Variants in MPPED1 observed in about 807,000 individuals in gnomAD.
The protein encoded by MPPED1 is metallophosphoesterase domain-containing protein 1.
Under a neutral mutation model 36.2 loss-of-function variants are expected in MPPED1, and 16 were observed. The observed-to-expected ratio is 0.44, with a 90% CI of 0.30 to 0.67. The LOEUF (loss-of-function observed/expected upper bound fraction) is 0.67, where lower values mean the gene tolerates loss of function less well. Among genes scored for constraint, MPPED1 ranks in the 30% least tolerant of loss-of-function variants. The pLI is 0.10. For synonymous variants in MPPED1, 199 were observed against 191.3 expected (o/e 1.04, Z -0.33); for missense variants, 307 against 453.4 (o/e 0.68, Z 2.93).
chr22:43,489,453 G>A (rs1346237142), intron 4 of MPPED1, among the ~76,000 whole-genome samples: 2 of 151,878 alleles, frequency 1.3e-5, no homozygotes, highest in Admixed American at 6.5e-5. Flanking sequence ...GCTCCCCAGC[G>A]AGCAGTCTGT....
chr22:43,504,206 G>A (rs563334524), intron 6 of MPPED1, among the ~76,000 whole-genome samples: 15 of 152,040 alleles, frequency 9.9e-5, no homozygotes, highest in Admixed American at 3.3e-4. Flanking sequence ...AATGATAAAC[G>A]CAATGGTGGT....
At chr22:43,449,481 T>G (rs866503525) in intron 3 of MPPED1, among the ~76,000 whole-genome samples, 1 of 126,610 alleles carries the variant, frequency 7.9e-6, no homozygotes. Context: ...AGTCAAGGAA[T>G]GCACTCATCC....
rs144029631 is a variant in MPPED1, at chr22:43,498,316, C to T, written c.714C>T (p.Gly238=). Residue 238 remains glycine (G), a synonymous_variant, in exon 5 of 7, where the codon GGC becomes GGT. Transcript: ENST00000443721. ...LLEKWNLIPE[G]VDILITHGPP... is the part of the protein sequence containing the mutation. The stretch of plus-strand genomic sequence containing the variant: ...AGAAATGGAACCTCATTCCCGAAGG[C>T]GTAGACATCCTGATAACCCATGGAC... 36 of 1,535,352 alleles carry T rather than the reference C, an allele frequency of 2.3e-5. No homozygotes were observed. The highest frequency in any genetic ancestry group is 2.9e-5 in the Non-Finnish European group (33 of 1,146,524).
rs190831938 is a variant in MPPED1, at chr22:43,466,471, G to A, written c.407-8265G>A. Among the ~76,000 whole-genome samples the A allele has an allele frequency of 1.6e-3, 238 of 152,310 alleles. 1 individual carries two copies. Among genetic ancestry groups the A allele is most frequent in the African/African-American group, 2.3e-3 (94 of 41,550 alleles). On this transcript the variant is annotated intron_variant, in intron 3 of 6. Transcript: ENST00000443721. The stretch of plus-strand genomic sequence containing the variant: ...TCTGGGCTGTGCTATACATTGCAGC[G>A]TTAATCTTCCTGAATAGCCCCGAAA...
At chr22:43,426,413 G>A (rs1929473630) in intron 2 of MPPED1, among the ~76,000 whole-genome samples, 2 of 152,122 alleles carry the variant, frequency 1.3e-5, no homozygotes, top group African/African-American at 4.8e-5. Context: ...GACAGGGGCT[G>A]ATCCAGTGCT....
chr22:43,443,222 G>T (rs1930214727), intron 3 of MPPED1, among the ~76,000 whole-genome samples: 1 of 152,218 alleles, frequency 6.6e-6, no homozygotes, highest in African/African-American at 2.4e-5. Context: ...CACAGTGGAG[G>T]CCTGTGGGCC....
intron 5 of MPPED1, among the ~76,000 whole-genome samples, chr22:43,501,512 T>C (rs914314410): frequency 3.3e-5 from 5 of 152,096 alleles, no homozygotes; most frequent in Non-Finnish European, 5.9e-5. Context: ...GGGCTGCCCA[T>C]GTGCCAGGCA....
intron 1 of MPPED1, among the ~76,000 whole-genome samples, chr22:43,412,963 C>T (rs991707497): frequency 8.5e-5 from 13 of 152,204 alleles, no homozygotes; most frequent in African/African-American, 3.1e-4. Context: ...CCGGCCTGGC[C>T]TTCGGAACTC....
chr22:43,437,585 A>G (rs2146837168), intron 3 of MPPED1, among the ~76,000 whole-genome samples: 1 of 152,224 alleles, frequency 6.6e-6, no homozygotes. Flanking sequence ...GCTGATTGGA[A>G]GTAAGGGTGT....
At chr22:43,450,602 T>C (rs915894618) in intron 3 of MPPED1, among the ~76,000 whole-genome samples, 6 of 152,326 alleles carry the variant, frequency 3.9e-5, no homozygotes, top group South Asian at 2.1e-4. Context: ...TCTGGGCTCA[T>C]CATAGGGCCT....
intron 3 of MPPED1, among the ~76,000 whole-genome samples, chr22:43,450,092 A>G (rs1930511022): frequency 6.6e-6 from 1 of 152,098 alleles, no homozygotes; most frequent in Non-Finnish European, 1.5e-5. Flanking sequence ...CGGTGGGACC[A>G]GCCCCATTCT....
intron 5 of MPPED1, among the ~76,000 whole-genome samples, chr22:43,499,664 G>A (rs1406297056): frequency 5.6e-5 from 6 of 107,928 alleles, no homozygotes; most frequent in African/African-American, 1.1e-4. Context: ...TGGGGGTGGC[G>A]GTGATGGGGG....
rs553998321 is a variant in MPPED1, at chr22:43,425,220, C to T, written c.224+11C>T. 4 of 1,376,998 alleles carry T rather than the reference C, an allele frequency of 2.9e-6. No homozygotes were observed. In the East Asian group the frequency reaches 9.8e-5, roughly 34 times the overall value. The allele number at this position is 1,376,998 out of a possible 1,614,324, so 85.3% of individuals were successfully genotyped here. ...ACCGCATGTGCAGATGTAAGTGGGA[C>T]CGGTGGGGTGGGGGTGGGGGCGGTG... On this transcript the variant is annotated intron_variant, in intron 2 of 6. Coordinates refer to ENST00000443721, the MANE Select transcript of MPPED1 (RefSeq NM_001044370.2).
chr22:43,417,579 C>T (rs1017415036), intron 1 of MPPED1: 1 of 152,572 alleles, frequency 6.6e-6, no homozygotes, highest in Non-Finnish European at 1.5e-5. Context: ...GGAATTGTCG[C>T]TTGTAAAACA....
chr22:43,461,434 C>T (rs20195), intron 3 of MPPED1, among the ~76,000 whole-genome samples: 106,593 of 152,032 alleles, frequency 0.7, 40,728 homozygotes, highest in Non-Finnish European at 0.84. Flanking sequence ...ATCTATGCTC[C>T]TCGGATTGTT....
chr22:43,428,525 C>T (rs1010430283), intron 2 of MPPED1, among the ~76,000 whole-genome samples: 9 of 152,232 alleles, frequency 5.9e-5, no homozygotes, highest in South Asian at 2.1e-4. Context: ...CGGCTGCTCC[C>T]TCCCAGGAGC....
chr22:43,432,895 AGAGAGAGAGGGAAAGAGAAAGGGAG>A (rs759982476), intron 2 of MPPED1, among the ~76,000 whole-genome samples: 2,345 of 42,830 alleles, frequency 0.055, 602 homozygotes, highest in Non-Finnish European at 0.093. Flanking sequence ...GAAAGGGAGG[AGAGAGAGAGGGAAAGAGAAAGGGAG>A]GAGAGAGAGA....
intron 3 of MPPED1, among the ~76,000 whole-genome samples, chr22:43,469,035 T>A (rs1437881706): frequency 2.0e-5 from 3 of 152,198 alleles, no homozygotes; most frequent in Non-Finnish European, 4.4e-5. Context: ...CCCCATGTTG[T>A]GCCCATCTTT....
At chr22:43,485,745 C>A (rs555220307) in intron 4 of MPPED1, among the ~76,000 whole-genome samples, 1 of 152,242 alleles carries the variant, frequency 6.6e-6, no homozygotes, top group African/African-American at 2.4e-5. Flanking sequence ...AAAGTCCCAG[C>A]GAAACAAAAG....
Sources: allele counts gnomAD v4.1 joint callset (sites outside exome capture counted in the v4.1 genomes callset), GRCh38; gene constraint gnomAD v4.1.1; transcripts MANE v1.5; gene names NCBI Gene and HGNC (gene_info 2026-07-23, HGNC 2026-07-21).